The following FIRRM variants were observed in gnomAD, a reference collection of about 807,000 sequenced individuals.
The protein encoded by FIRRM is FIGNL1 interacting regulator of recombination and mitosis.
the FIRRM span, among the ~76,000 whole-genome samples, chr1:169,806,835 T>G: frequency 4.6e-5 from 7 of 152,346 alleles, no homozygotes; most frequent in East Asian, 1.3e-3. Flanking sequence ...GTTAGTTTGC[T>G]CATCTGAAAA....
chr1:169,841,532 C>T, the FIRRM span, among the ~76,000 whole-genome samples: 1 of 152,274 alleles, frequency 6.6e-6, no homozygotes, highest in South Asian at 2.1e-4. Flanking sequence ...TGTACCCCCA[C>T]CACACCTCAA....
chr1:169,841,970 G>T, the FIRRM span, among the ~76,000 whole-genome samples: 1 of 151,968 alleles, frequency 6.6e-6, no homozygotes, highest in Non-Finnish European at 1.5e-5. Context: ...GAGGTCAAGA[G>T]ATCGAGACCA....
At chr1:169,844,505 G>T in the FIRRM span, among the ~76,000 whole-genome samples, 9,907 of 152,274 alleles carry the variant, frequency 0.065, 426 homozygotes, top group Non-Finnish European at 0.099. Flanking sequence ...GATGATCGAA[G>T]AGATGATTCC....
the FIRRM span, chr1:169,801,069 A>C: frequency 3.3e-6 from 2 of 598,842 alleles, no homozygotes; most frequent in Non-Finnish European, 5.8e-6. Flanking sequence ...TAATATATCA[A>C]ATATATTCAA....
chr1:169,845,655 CTT>C, the FIRRM span, among the ~76,000 whole-genome samples: 1 of 147,142 alleles, frequency 6.8e-6, no homozygotes, highest in African/African-American at 2.5e-5. Flanking sequence ...CAAGAAACCA[CTT>C]TCTTTGCTCA....
At chr1:169,804,701 T>C in the FIRRM span, among the ~76,000 whole-genome samples, 8 of 152,244 alleles carry the variant, frequency 5.3e-5, no homozygotes, top group Admixed American at 4.6e-4. Flanking sequence ...TTTATTTTTT[T>C]GAGACAGAGT....
At chr1:169,821,030 A>G in the FIRRM span, among the ~76,000 whole-genome samples, 5 of 152,244 alleles carry the variant, frequency 3.3e-5, no homozygotes, top group African/African-American at 4.8e-5. Flanking sequence ...TTGCTACTCA[A>G]TTAAGGTGTT....
At chr1:169,815,716 G>C in the FIRRM span, among the ~76,000 whole-genome samples, 4 of 152,124 alleles carry the variant, frequency 2.6e-5, no homozygotes, top group African/African-American at 9.7e-5. Flanking sequence ...ATCTCATCCT[G>C]TGACTTAGGA....
chr1:169,797,445 AC>A, the FIRRM span, among the ~76,000 whole-genome samples: 2 of 152,210 alleles, frequency 1.3e-5, no homozygotes, highest in Non-Finnish European at 2.9e-5. Flanking sequence ...ACCCTACTGA[AC>A]TCAAATTTGA....
chr1:169,826,739 T>G, the FIRRM span, among the ~76,000 whole-genome samples: 2 of 152,190 alleles, frequency 1.3e-5, no homozygotes, highest in African/African-American at 4.8e-5. Flanking sequence ...ACTTTTGATT[T>G]AAGATTTAGA....
chr1:169,829,017 A>T, the FIRRM span, among the ~76,000 whole-genome samples: 48 of 152,322 alleles, frequency 3.2e-4, no homozygotes, highest in African/African-American at 1.2e-3. Context: ...GTAACTCAGT[A>T]CCAAGATAAA....
the FIRRM span, chr1:169,793,020 C>G: frequency 6.2e-7 from 1 of 1,614,096 alleles, no homozygotes; most frequent in Non-Finnish European, 8.5e-7. Flanking sequence ...GGTAAGGTTA[C>G]TTCATCAATC....
the FIRRM span, among the ~76,000 whole-genome samples, chr1:169,784,575 A>C: frequency 1.3e-5 from 2 of 151,884 alleles, no homozygotes; most frequent in African/African-American, 2.4e-5. Context: ...GCTTTAATAC[A>C]TTTCTCTTTT....
At chr1:169,804,085 CTG>C in the FIRRM span, 10 of 1,466,666 alleles carry the variant, frequency 6.8e-6, no homozygotes, top group East Asian at 2.4e-5. Flanking sequence ...AATAGTGAAT[CTG>C]TGTATTCTGG....
chr1:169,790,064 G>GT, the FIRRM span, among the ~76,000 whole-genome samples: 5 of 152,094 alleles, frequency 3.3e-5, no homozygotes, highest in Admixed American at 2.0e-4. Context: ...AGAAAGCTGC[G>GT]TATCTGTTTC....
At chr1:169,845,175 C>T in the FIRRM span, among the ~76,000 whole-genome samples, 2 of 152,060 alleles carry the variant, frequency 1.3e-5, no homozygotes, top group Non-Finnish European at 2.9e-5. Flanking sequence ...TTTGGCTTCC[C>T]AGTGCATACA....
chr1:169,793,412 G>A, the FIRRM span: 3 of 1,614,034 alleles, frequency 1.9e-6, no homozygotes, highest in Middle Eastern at 1.6e-4. Context: ...TCTCAAGGAG[G>A]GCTGTTTTCC....
At chr1:169,837,157 T>TA in the FIRRM span, 1 of 1,494,076 alleles carries the variant, frequency 6.7e-7, no homozygotes, top group Non-Finnish European at 9.0e-7. Context: ...AGCAGCTGTT[T>TA]ATTGAGCATT....
chr1:169,797,577 C>T, the FIRRM span, among the ~76,000 whole-genome samples: 133 of 152,212 alleles, frequency 8.7e-4, 1 homozygote, highest in African/African-American at 3.0e-3. Context: ...TGTTTTGAGA[C>T]GGAGTCTCAC....
Sources: allele counts gnomAD v4.1 joint callset (sites outside exome capture counted in the v4.1 genomes callset), GRCh38; gene constraint gnomAD v4.1.1; transcripts MANE v1.5; gene names NCBI Gene and HGNC (gene_info 2026-07-23, HGNC 2026-07-21).